Variants in BRINP3 observed in about 807,000 individuals in gnomAD.
BRINP3 encodes the protein BMP/retinoic acid-inducible neural-specific protein 3.
BRINP3 carries 19 observed loss-of-function variants against 71.0 expected under a neutral mutation model. That is an observed-to-expected ratio of 0.27 (90% CI 0.19 to 0.39). BRINP3 has a LOEUF of 0.39. Among genes scored for constraint, BRINP3 ranks in the 10% least tolerant of loss-of-function variants. BRINP3 has a pLI of 1.00. For synonymous variants in BRINP3, 380 were observed against 337.7 expected (o/e 1.13, Z -1.37); for missense variants, 959 against 940.8 (o/e 1.02, Z -0.25).
intron 1 of BRINP3, among the ~76,000 whole-genome samples, chr1:190,458,508 C>G (rs1676160885): frequency 6.6e-6 from 1 of 151,952 alleles, no homozygotes; most frequent in Admixed American, 6.6e-5. Context: ...TGGTTTGTCA[C>G]AAAAGTAGAT....
At chr1:190,165,064 A>G (rs1277006554) in intron 6 of BRINP3, among the ~76,000 whole-genome samples, 1 of 152,148 alleles carries the variant, frequency 6.6e-6, no homozygotes, top group Non-Finnish European at 1.5e-5. Context: ...TTTCAGTACA[A>G]TGATAGAAAA....
chr1:190,109,834 C>T (rs1170915495), intron 7 of BRINP3, among the ~76,000 whole-genome samples: 1 of 152,198 alleles, frequency 6.6e-6, no homozygotes, highest in African/African-American at 2.4e-5. Context: ...GGTTCTCAGG[C>T]CTTCAGCCTC....
chr1:190,316,148 A>T (rs1205793184), intron 2 of BRINP3, among the ~76,000 whole-genome samples: 1 of 151,982 alleles, frequency 6.6e-6, no homozygotes, highest in Non-Finnish European at 1.5e-5. Context: ...AAGACCAGGA[A>T]AATCAGCATT....
At chr1:190,446,995 A>T (rs1056138573) in intron 2 of BRINP3, among the ~76,000 whole-genome samples, 1 of 151,962 alleles carries the variant, frequency 6.6e-6, no homozygotes, top group Non-Finnish European at 1.5e-5. Context: ...AAACAGAAAG[A>T]TGAAAAAGTT....
At chr1:190,145,888 T>G (rs113512631) in intron 7 of BRINP3, among the ~76,000 whole-genome samples, 27 of 152,168 alleles carry the variant, frequency 1.8e-4, no homozygotes, top group African/African-American at 6.3e-4. Context: ...AGGAATAGAA[T>G]AATGTCTTTT....
At chr1:190,151,152 A>G (rs1018857500) in intron 7 of BRINP3, among the ~76,000 whole-genome samples, 1 of 152,162 alleles carries the variant, frequency 6.6e-6, no homozygotes, top group Non-Finnish European at 1.5e-5. Flanking sequence ...GTCTCAAAAA[A>G]AAAGAAAAAA....
At chr1:190,234,720 A>C (rs897943129) in intron 4 of BRINP3, among the ~76,000 whole-genome samples, 10 of 152,096 alleles carry the variant, frequency 6.6e-5, no homozygotes, top group African/African-American at 2.4e-4. Flanking sequence ...AATGCATGCC[A>C]TCTTTGTTCA....
chr1:190,333,910 A>G (rs1667123085), intron 2 of BRINP3, among the ~76,000 whole-genome samples: 1 of 151,898 alleles, frequency 6.6e-6, no homozygotes, highest in African/African-American at 2.4e-5. Flanking sequence ...TCTACTTGAC[A>G]GCCCTTCAAA....
At chr1:190,253,443 C>T (rs1021082415) in intron 4 of BRINP3, among the ~76,000 whole-genome samples, 3 of 152,226 alleles carry the variant, frequency 2.0e-5, no homozygotes, top group Admixed American at 2.0e-4. Context: ...TCTGTTGTTT[C>T]CTGACTTTTT....
rs71123073 is a variant in BRINP3 at position 190,148,596 on chromosome 1, A to AAAATAAAT, written c.1184+12064_1184+12071dup. ...GGCGACAGAGTTGAGACTCTGTCAC[A>AAAATAAAT]AAATAAATAAATAAATAAATAAATA... On this transcript the variant is annotated intron_variant, in intron 7 of 7. Coordinates refer to ENST00000367462, the MANE Select transcript of BRINP3 (RefSeq NM_199051.3). Among the ~76,000 whole-genome samples, 723 of 134,932 alleles carry AAAATAAAT rather than the reference A, an allele frequency of 5.4e-3. 2 individuals carry two copies. The highest frequency in any genetic ancestry group is 8.4e-3 in the East Asian group (38 of 4,546). The allele number at this position is 134,932 out of a possible 152,430, so 88.5% of individuals were successfully genotyped here.
At chr1:190,307,818 C>A (rs1665227742) in intron 2 of BRINP3, among the ~76,000 whole-genome samples, 1 of 151,876 alleles carries the variant, frequency 6.6e-6, no homozygotes, top group Non-Finnish European at 1.5e-5. Flanking sequence ...CCATTTCCTG[C>A]AAGATGGTGG....
At chr1:190,446,314 A>T (rs1193422397) in intron 2 of BRINP3, among the ~76,000 whole-genome samples, 2 of 152,040 alleles carry the variant, frequency 1.3e-5, no homozygotes, top group Non-Finnish European at 2.9e-5. Context: ...CACTACCTAG[A>T]ATACTCCTCT....
chr1:190,222,217 T>G (rs1320067846), intron 6 of BRINP3, among the ~76,000 whole-genome samples: 3 of 151,836 alleles, frequency 2.0e-5, no homozygotes, highest in Non-Finnish European at 4.4e-5. Flanking sequence ...ATCAAGTAAC[T>G]TTTCTGACCA....
chr1:190,437,500 A>G (rs1280945727), intron 2 of BRINP3, among the ~76,000 whole-genome samples: 8 of 151,766 alleles, frequency 5.3e-5, no homozygotes, highest in Admixed American at 2.0e-4. Flanking sequence ...CATTGCCCAC[A>G]TTAATAAATC....
intron 1 of BRINP3, among the ~76,000 whole-genome samples, chr1:190,468,732 G>T (rs1214451100): frequency 6.6e-6 from 1 of 151,056 alleles, no homozygotes; most frequent in Non-Finnish European, 1.5e-5. Flanking sequence ...CTTTTGGGGG[G>T]TGGGAGTAGA....
chr1:190,333,596 A>G (rs1667101626), intron 2 of BRINP3, among the ~76,000 whole-genome samples: 2 of 151,974 alleles, frequency 1.3e-5, no homozygotes, highest in Non-Finnish European at 2.9e-5. Context: ...ATCACCTTGT[A>G]AAGACAAAAT....
At chr1:190,175,128 C>A (rs2102512573) in intron 6 of BRINP3, among the ~76,000 whole-genome samples, 1 of 152,222 alleles carries the variant, frequency 6.6e-6, no homozygotes, top group African/African-American at 2.4e-5. Flanking sequence ...AATATTACTC[C>A]TTTCTCACAA....
chr1:190,329,536 A>G (rs1666828356), intron 2 of BRINP3, among the ~76,000 whole-genome samples: 1 of 152,124 alleles, frequency 6.6e-6, no homozygotes, highest in Non-Finnish European at 1.5e-5. Context: ...CATAGATGAC[A>G]GAAACAAATG....
chr1:190,460,400 C>T (rs969701849), intron 1 of BRINP3, among the ~76,000 whole-genome samples: 2 of 151,520 alleles, frequency 1.3e-5, no homozygotes, highest in Admixed American at 1.3e-4. Flanking sequence ...ATACTAAATA[C>T]ATAATTGTGT....
Sources: gnomAD v4.1 joint callset for allele counts (sites outside exome capture counted in the v4.1 genomes callset) on GRCh38, gnomAD v4.1.1 for gene constraint, MANE v1.5 for transcripts, NCBI Gene and HGNC (gene_info 2026-07-23, HGNC 2026-07-21) for gene names.